Variants in CELF2 observed in about 807,000 individuals in gnomAD.
CELF2 encodes the protein CUGBP Elav-like family member 2.
CELF2 carries 8 observed loss-of-function variants against 62.6 expected under a neutral mutation model. The ratio of observed to expected loss-of-function variants is 0.13; its 90% CI spans 0.07 to 0.23. The LOEUF is 0.23. Among genes scored for constraint, CELF2 ranks in the 10% least tolerant of loss-of-function variants. CELF2 has a pLI of 1.00. For missense variants in CELF2, 333 were observed against 671.0 expected (o/e 0.50, Z 5.56); for synonymous variants, 258 against 250.0 (o/e 1.03, Z -0.30).
the CELF2 span, among the ~76,000 whole-genome samples, chr10:10,782,266 T>A: frequency 6.6e-6 from 1 of 152,288 alleles, no homozygotes; most frequent in East Asian, 1.9e-4. Flanking sequence ...GGAAAGCTAG[T>A]GGTTTTGAGG....
the CELF2 span, among the ~76,000 whole-genome samples, chr10:10,698,190 T>G: frequency 6.6e-6 from 1 of 152,194 alleles, no homozygotes; most frequent in African/African-American, 2.4e-5. Flanking sequence ...TTGTCCAATA[T>G]GACAGTAAAT....
chr10:10,907,109 GC>G (rs1319900042), intron 1 of CELF2, among the ~76,000 whole-genome samples: 1 of 151,738 alleles, frequency 6.6e-6, no homozygotes, highest in Non-Finnish European at 1.5e-5. Context: ...ACACACACAC[GC>G]AAACGCACAC....
At chr10:11,120,127 G>C (rs752949789) in intron 1 of CELF2, among the ~76,000 whole-genome samples, 2 of 152,102 alleles carry the variant, frequency 1.3e-5, no homozygotes, top group South Asian at 2.1e-4. Context: ...TGAGCATGTC[G>C]TGTGTGTCAA....
At chr10:11,061,858 G>A (rs1188518108) in intron 1 of CELF2, among the ~76,000 whole-genome samples, 1 of 152,246 alleles carries the variant, frequency 6.6e-6, no homozygotes, top group Non-Finnish European at 1.5e-5. Context: ...TGTCACCTAG[G>A]CTGGAGTGCA....
chr10:11,162,273 C>T (rs1304701959), intron 1 of CELF2, among the ~76,000 whole-genome samples: 2 of 152,020 alleles, frequency 1.3e-5, no homozygotes, highest in African/African-American at 2.4e-5. Flanking sequence ...TGGGACAGGA[C>T]CACCCATTTC....
Position 11,165,464 on chromosome 10 carries a change from C to T in CELF2, c.75-22C>T, listed in dbSNP as rs1291169656. 6 of 1,607,096 alleles carry T rather than the reference C, an allele frequency of 3.7e-6. No individual in the cohort carries two copies. Among genetic ancestry groups the T allele is most frequent in the Non-Finnish European group, 5.1e-6 (6 of 1,176,122 alleles). Reference sequence around the variant, plus strand: ...CCTCATCGTGCCGCCCTAACTCTGGCTCCCGGTTCCGTTTTTGACAGTAAC... The same window carrying T: ...CCTCATCGTGCCGCCCTAACTCTGGTTCCCGGTTCCGTTTTTGACAGTAAC... On this transcript the variant is annotated intron_variant, in intron 1 of 12. Coordinates refer to ENST00000633077, the MANE Select transcript of CELF2 (RefSeq NM_001326342.2). The surrounding 1 kb of genome is among the most constrained non-coding windows in gnomAD (Gnocchi z 7.4).
chr10:10,641,942 T>G, the CELF2 span, among the ~76,000 whole-genome samples: 3 of 152,216 alleles, frequency 2.0e-5, no homozygotes. Flanking sequence ...ATCACTCTTA[T>G]GCTGATTCTA....
intron 2 of CELF2, among the ~76,000 whole-genome samples, chr10:11,216,069 C>A (rs2063289301): frequency 6.6e-6 from 1 of 152,132 alleles, no homozygotes; most frequent in South Asian, 2.1e-4. Flanking sequence ...TGTTCAGTTC[C>A]CTTCATTCAA....
intron 1 of CELF2, among the ~76,000 whole-genome samples, chr10:11,018,486 G>C (rs990030583): frequency 6.6e-6 from 1 of 151,170 alleles, no homozygotes; most frequent in East Asian, 2.0e-4. Context: ...GTGAGTGGGG[G>C]ACGGGCGGGG....
the CELF2 span, among the ~76,000 whole-genome samples, chr10:10,480,764 C>G: frequency 6.6e-6 from 1 of 152,176 alleles, no homozygotes; most frequent in East Asian, 1.9e-4. Context: ...ACAGAAAACT[C>G]AAAGTGCATA....
chr10:10,948,589 G>T, intron 2 of CELF2, among the ~76,000 whole-genome samples: 1 of 152,206 alleles, frequency 6.6e-6, no homozygotes, highest in South Asian at 2.1e-4. Context: ...AACATTTCAG[G>T]AGGCTTCAAG....
the CELF2 span, among the ~76,000 whole-genome samples, chr10:10,744,094 A>C: frequency 1.3e-5 from 2 of 152,178 alleles, no homozygotes; most frequent in African/African-American, 4.8e-5. Flanking sequence ...AAGATCTAAA[A>C]CAGTGAAATT....
chr10:11,068,847 A>C (rs2140893533), intron 1 of CELF2, among the ~76,000 whole-genome samples: 1 of 152,342 alleles, frequency 6.6e-6, no homozygotes, highest in South Asian at 2.1e-4. Flanking sequence ...GGCGTGAGCC[A>C]CCGCACCCGG....
chr10:10,671,282 T>G, the CELF2 span, among the ~76,000 whole-genome samples: 1 of 152,140 alleles, frequency 6.6e-6, no homozygotes, highest in African/African-American at 2.4e-5. Context: ...TTGCTCATTT[T>G]AGTACCAAAT....
In CELF2 at chr10:11,334,690, CCTCAT is replaced by C. The variant is rs2096086223; in HGVS notation, c.*5638_*5642del. The C allele has an allele frequency of 6.6e-6, 1 of 152,202 alleles. No homozygotes were observed. The highest frequency in any genetic ancestry group is 6.5e-5 in the Admixed American group (1 of 15,272). The allele number at this position is 152,202 out of a possible 1,614,324, so 9.4% of individuals were successfully genotyped here. ...GGTTAATTTCCCCTTCTCTCCCCTC[CCTCAT>C]GAGTCTATCCACGCAGTTCTTAACA... On this transcript the variant is annotated 3_prime_UTR_variant, in exon 13 of 13. Transcript: ENST00000633077.
intron 1 of CELF2, among the ~76,000 whole-genome samples, chr10:10,826,073 G>T (rs1438237544): frequency 6.6e-6 from 1 of 152,120 alleles, no homozygotes; most frequent in Admixed American, 6.5e-5. Flanking sequence ...ACAAATGCCA[G>T]AGTAATCAAA....
intron 1 of CELF2, among the ~76,000 whole-genome samples, chr10:10,913,354 A>G (rs1211367100): frequency 6.7e-6 from 1 of 148,714 alleles, no homozygotes; most frequent in African/African-American, 2.5e-5. Flanking sequence ...GTCCTGAATT[A>G]ATATATATGC....
In CELF2 at chr10:11,242,303, A is replaced by C. The variant is rs1254618044; in HGVS notation, c.355-6850A>C. On this transcript the variant is annotated intron_variant, in intron 3 of 12. Transcript: ENST00000633077. This position sits in a 1 kb window ranked among gnomAD's most constrained non-coding sequence, Gnocchi z 4.8. The stretch of plus-strand genomic sequence containing the variant: ...ATCAATTGGTGATGGCTGGGGTTCA[A>C]CAAGTTCCAACATGAGTTCTCCTGT... Among the ~76,000 whole-genome samples, 1 of 152,166 alleles carries C rather than the reference A, an allele frequency of 6.6e-6. No homozygotes were observed. Among genetic ancestry groups the C allele is most frequent in the Admixed American group, 6.5e-5 (1 of 15,280 alleles).
intron 1 of CELF2, among the ~76,000 whole-genome samples, chr10:10,877,129 G>A (rs1292866595): frequency 2.0e-5 from 3 of 152,206 alleles, no homozygotes; most frequent in South Asian, 2.1e-4. Flanking sequence ...AGGCCACTGC[G>A]GTAATCTGGG....
Sources: gnomAD v4.1 joint callset for allele counts (sites outside exome capture counted in the v4.1 genomes callset) on GRCh38, gnomAD v4.1.1 for gene constraint, Gnocchi (gnomAD v3.1) non-coding constraint, MANE v1.5 for transcripts, NCBI Gene and HGNC (gene_info 2026-07-23, HGNC 2026-07-21) for gene names.